The following CLVS1 variants were observed in gnomAD, a reference collection of about 807,000 sequenced individuals.
CLVS1 encodes clavesin 1.
In CLVS1, 10 loss-of-function variants were observed where a neutral mutation model predicts 33.1. That is an observed-to-expected ratio of 0.30 (90% CI 0.19 to 0.51). The LOEUF (loss-of-function observed/expected upper bound fraction) is 0.51. CLVS1 is among the 20% of genes least tolerant of loss of function. The pLI is 0.97. For missense variants in CLVS1, 343 were observed against 433.4 expected (o/e 0.79, Z 1.85); for synonymous variants, 163 against 166.1 (o/e 0.98, Z 0.14).
intron 1 of CLVS1, among the ~76,000 whole-genome samples, chr8:61,088,740 T>C (rs2129283942): frequency 6.6e-6 from 1 of 152,190 alleles, no homozygotes; most frequent in East Asian, 1.9e-4. Context: ...TTTAGAAATG[T>C]CCATTTTTAC....
intron 5 of CLVS1, 25 bp from the exon 6 acceptor site, chr8:61,499,430 G>C: frequency 6.5e-7 from 1 of 1,536,644 alleles, no homozygotes. Context: ...TTGTAATTCT[G>C]TCTTTTTCCC....
intron 3 of CLVS1, among the ~76,000 whole-genome samples, chr8:61,435,625 T>TAAA (rs35113828): frequency 7.4e-5 from 10 of 135,060 alleles, no homozygotes; most frequent in Non-Finnish European, 8.1e-5. Context: ...ATTGTGATAG[T>TAAA]AAAAAAAAAA....
At chr8:61,192,673 G>GA (rs900127679) in intron 2 of CLVS1, among the ~76,000 whole-genome samples, 52 of 151,846 alleles carry the variant, frequency 3.4e-4, no homozygotes, top group Admixed American at 1.6e-3. Flanking sequence ...AAATTTACAA[G>GA]AAAAAAACAA....
At chr8:61,009,772 G>A in the CLVS1 span, among the ~76,000 whole-genome samples, 18 of 152,256 alleles carry the variant, frequency 1.2e-4, no homozygotes, top group African/African-American at 4.1e-4. Flanking sequence ...CTGCCGATGG[G>A]GTGGGAGAAA....
intron 2 of CLVS1, among the ~76,000 whole-genome samples, chr8:61,373,057 T>C (rs1286872037): frequency 6.6e-6 from 1 of 152,186 alleles, no homozygotes; most frequent in Admixed American, 6.5e-5. Flanking sequence ...GCTCCATGTT[T>C]TTGAGGGTGG....
chr8:61,454,357 T>C (rs1817073806), intron 4 of CLVS1, 106 bp downstream of exon 4: 2 of 862,252 alleles, frequency 2.3e-6, no homozygotes, highest in Non-Finnish European at 3.9e-6. Flanking sequence ...CTTTCTCTCT[T>C]TATCTTTCAC....
intron 3 of CLVS1, chr8:61,377,016 C>T (rs1307684925): frequency 2.3e-6 from 1 of 426,512 alleles, no homozygotes; most frequent in African/African-American, 2.0e-5. Context: ...TCCTCTGTAG[C>T]AATAATGAAT....
chr8:61,206,590 CTTT>C (rs10535294), intron 2 of CLVS1, among the ~76,000 whole-genome samples: 37,504 of 138,724 alleles, frequency 0.27, 4,714 homozygotes, highest in African/African-American at 0.33. Context: ...TTTTTTCTTT[CTTT>C]TTTTTTTTTT....
chr8:61,075,140 T>G (rs1263569170), intron 1 of CLVS1, among the ~76,000 whole-genome samples: 1 of 152,042 alleles, frequency 6.6e-6, no homozygotes, highest in Non-Finnish European at 1.5e-5. Flanking sequence ...GCCTCAATGC[T>G]TGAGGAATGG....
intron 2 of CLVS1, among the ~76,000 whole-genome samples, chr8:61,302,375 T>A (rs921572083): frequency 3.3e-5 from 5 of 152,228 alleles, no homozygotes; most frequent in African/African-American, 1.2e-4. Context: ...TTAGGTCTTA[T>A]GATTCATTCA....
chr8:61,342,156 G>A (rs1304421387), intron 2 of CLVS1, among the ~76,000 whole-genome samples: 1 of 152,122 alleles, frequency 6.6e-6, no homozygotes, highest in Non-Finnish European at 1.5e-5. Context: ...GTCCTAGTGG[G>A]GATCTGCTTT....
rs551617170 is a variant in CLVS1 at position 61,315,307 on chromosome 8, A to G, written c.455+15025A>G. 2.6e-5 allele frequency among the ~76,000 whole-genome samples: 4 copies of G among 152,326 alleles called. No individual in the cohort carries two copies. The East Asian group carries it at 7.7e-4, about 29-fold the overall frequency. On this transcript the variant is annotated intron_variant, in intron 2 of 5. Coordinates refer to ENST00000325897, the MANE Select transcript of CLVS1 (RefSeq NM_173519.3). ...AAAGATAAGGCTTTGTCTTTGAGCAAGGATGTATTGGGGAGGGGGAGAGAT... is the reference window on the plus strand; with the variant it reads ...AAAGATAAGGCTTTGTCTTTGAGCAGGGATGTATTGGGGAGGGGGAGAGAT...
intron 2 of CLVS1, among the ~76,000 whole-genome samples, chr8:61,212,345 A>AGG (rs1206441927): frequency 6.6e-6 from 1 of 152,122 alleles, no homozygotes; most frequent in African/African-American, 2.4e-5. Context: ...CATTTCAGAG[A>AGG]GGGAGCATCA....
At chr8:61,360,832 T>C (rs1812943538) in intron 2 of CLVS1, among the ~76,000 whole-genome samples, 1 of 152,062 alleles carries the variant, frequency 6.6e-6, no homozygotes, top group Non-Finnish European at 1.5e-5. Flanking sequence ...TATAGTTGAT[T>C]TTCTCTAAGA....
At chr8:61,230,234 C>G (rs1325894576) in intron 2 of CLVS1, among the ~76,000 whole-genome samples, 1 of 152,146 alleles carries the variant, frequency 6.6e-6, no homozygotes, top group Non-Finnish European at 1.5e-5. Context: ...TTCTACTTTT[C>G]TTTGTGAGGG....
chr8:61,397,268 T>C (rs2129603340), intron 3 of CLVS1, among the ~76,000 whole-genome samples: 1 of 152,308 alleles, frequency 6.6e-6, no homozygotes, highest in African/African-American at 2.4e-5. Flanking sequence ...AGTATCTCAT[T>C]GTGGTTTTGC....
intron 3 of CLVS1, among the ~76,000 whole-genome samples, chr8:61,446,438 A>G (rs572870990): frequency 2.6e-5 from 4 of 152,280 alleles, no homozygotes; most frequent in African/African-American, 9.6e-5. Flanking sequence ...TCTTACCATT[A>G]TGGAGGCTGA....
At chr8:61,197,581 G>T (rs1807642467) in intron 2 of CLVS1, among the ~76,000 whole-genome samples, 1 of 152,040 alleles carries the variant, frequency 6.6e-6, no homozygotes, top group African/African-American at 2.4e-5. Flanking sequence ...GTACAGTAGT[G>T]CTATCTTGGC....
intron 2 of CLVS1, among the ~76,000 whole-genome samples, chr8:61,256,639 C>G (rs1463610959): frequency 1.2e-5 from 1 of 82,044 alleles, no homozygotes; most frequent in Non-Finnish European, 1.9e-5. Flanking sequence ...CTCTTTATCT[C>G]AAAAACAAAA....
Sources: gnomAD v4.1 joint callset for allele counts (sites outside exome capture counted in the v4.1 genomes callset) on GRCh38, gnomAD v4.1.1 for gene constraint, MANE v1.5 for transcripts, NCBI Gene and HGNC (gene_info 2026-07-23, HGNC 2026-07-21) for gene names.